The following EEF2KMT variants were observed in gnomAD, a reference collection of about 807,000 sequenced individuals.
EEF2KMT encodes eukaryotic elongation factor 2 lysine methyltransferase.
A neutral mutation model predicts 35.1 loss-of-function variants in EEF2KMT; 30 were observed. The observed-to-expected ratio is 0.85, with a 90% CI of 0.64 to 1.16. EEF2KMT has a LOEUF of 1.16. Among genes scored for constraint, EEF2KMT ranks in the 50% most tolerant of loss-of-function variants. EEF2KMT has a pLI of 0.00. For missense variants in EEF2KMT, 499 were observed against 438.2 expected, an observed-to-expected ratio of 1.14 and a Z score of -1.24; for synonymous variants, 190 against 187.7, an observed-to-expected ratio of 1.01 and a Z score of -0.10.
chr16:5,092,809 A>C (rs1344481725), intron 3 of EEF2KMT, among the ~76,000 whole-genome samples: 2 of 152,134 alleles, frequency 1.3e-5, no homozygotes, highest in Non-Finnish European at 2.9e-5. Context: ...TTAAAAATAA[A>C]AAATTAGCCA....
rs1053255367 is a variant in EEF2KMT at position 5,089,252 on chromosome 16, C to A, written c.747G>T (p.Val249=). The change falls in exon 7 of 8, where the codon GTG becomes GTT. Residue 249 remains valine (V), a synonymous_variant. Coordinates refer to ENST00000427587, the MANE Select transcript of EEF2KMT (RefSeq NM_201400.4). ...FQPDVVIAAD[V]LYCPEAIMSL... ...ACATGATGGCTTCTGGGCAATACAG[C>A]ACATCTATGGTGAAAGCTTCAGGTT... The A allele has an allele frequency of 6.2e-7, 1 of 1,604,080 alleles. No homozygotes were observed.
intron 1 of EEF2KMT, among the ~76,000 whole-genome samples, chr16:5,096,143 C>T (rs1165884053): frequency 6.6e-6 from 1 of 152,124 alleles, no homozygotes; most frequent in African/African-American, 2.4e-5. Flanking sequence ...GTTTCCACCA[C>T]AGGGCCTTTG....
rs1455959430 is a variant in EEF2KMT, at chr16:5,085,023, G to T, written c.*609C>A. 5 of 1,477,410 alleles carry T rather than the reference G, an allele frequency of 3.4e-6. No homozygotes were observed. Among genetic ancestry groups the T allele is most frequent in the Admixed American group, 1.8e-5 (1 of 54,966 alleles). The allele number at this position is 1,477,410 out of a possible 1,614,324, so 91.5% of individuals were successfully genotyped here. The stretch of plus-strand genomic sequence containing the variant: ...ACAGCAGTGGTACTGCCTGGTAAAA[G>T]AATTGGTTCTGTGACCCGGGAAGCT... On this transcript the variant is annotated 3_prime_UTR_variant, in exon 8 of 8. Transcript: ENST00000427587.
intron 1 of EEF2KMT, chr16:5,097,416 A>C (rs75545520): frequency 6.9e-7 from 1 of 1,443,954 alleles, no homozygotes; most frequent in South Asian, 1.3e-5. Context: ...TCTGCCCCCC[A>C]AGGCTGTGGA....
chr16:5,089,328 G>A, intron 6 of EEF2KMT, 72 bp from the exon 7 acceptor site: 1 of 1,583,058 alleles, frequency 6.3e-7, no homozygotes, highest in Non-Finnish European at 8.5e-7. Flanking sequence ...TCAGCAGCAG[G>A]GCGAGGCCAG....
intron 3 of EEF2KMT, among the ~76,000 whole-genome samples, chr16:5,092,959 CA>C (rs1368823738): frequency 1.3e-5 from 2 of 151,790 alleles, no homozygotes; most frequent in African/African-American, 2.4e-5. Flanking sequence ...GACTCTGTCT[CA>C]AAAAAATAAA....
chr16:5,095,838 T>G (rs1957448982), intron 1 of EEF2KMT, among the ~76,000 whole-genome samples: 1 of 40,838 alleles, frequency 2.4e-5, no homozygotes, highest in Non-Finnish European at 6.5e-5. Flanking sequence ...GCTTGCCATC[T>G]AAGTGGAGAT....
rs369802781 is a variant in EEF2KMT at position 5,090,407 on chromosome 16, G to A, written c.476+25C>T. Reference sequence around the variant, plus strand: ...TGCACCAGGGTAAGCCTGCCTCGGTGCCCTGCCCTGCGCCCCGAGGTCACC... The same window carrying A: ...TGCACCAGGGTAAGCCTGCCTCGGTACCCTGCCCTGCGCCCCGAGGTCACC... On this transcript the variant is annotated intron_variant, in intron 5 of 7. Coordinates refer to ENST00000427587, the MANE Select transcript of EEF2KMT (RefSeq NM_201400.4). This position sits in a 1 kb window ranked among gnomAD's most constrained non-coding sequence, Gnocchi z 4.1. The A allele has an allele frequency of 3.7e-6, 6 of 1,611,852 alleles. No homozygotes were observed. In the South Asian group the frequency reaches 4.4e-5, roughly 12 times the overall value.
In EEF2KMT at chr16:5,085,598, A is replaced by G. The variant is rs1340724094; in HGVS notation, c.*34T>C. 1.4e-6 allele frequency: 2 copies of G among 1,430,258 alleles called. No individual in the cohort carries two copies. Among genetic ancestry groups the G allele is most frequent in the South Asian group, 1.1e-5 (1 of 87,408 alleles). 88.6% of individuals were successfully genotyped at this position (1,430,258 alleles called of 1,614,324 possible). A position where few individuals can be genotyped will look rare whatever the true frequency, so the allele number is the denominator to read the frequency against. On this transcript the variant is annotated 3_prime_UTR_variant, in exon 8 of 8. Coordinates refer to ENST00000427587, the MANE Select transcript of EEF2KMT (RefSeq NM_201400.4). ...AAATTCTTCCCATGAGAGTGACTTG[A>G]TTCTCACAATCCCGTTGGAGTCGTG...
intron 2 of EEF2KMT, among the ~76,000 whole-genome samples, chr16:5,094,143 C>T (rs1299930926): frequency 2.0e-5 from 3 of 152,330 alleles, no homozygotes; most frequent in South Asian, 4.1e-4. Context: ...GGCGGGAAAA[C>T]AGGAGCCTGG....
At position 5,090,889 on chromosome 16, in the gene EEF2KMT, A is replaced by G. The variant is rs1425178378; in HGVS notation, c.343-324T>C. 2.0e-5 allele frequency among the ~76,000 whole-genome samples: 3 copies of G among 151,948 alleles called. No homozygotes were observed. Among genetic ancestry groups the G allele is most frequent in the Non-Finnish European group, 4.4e-5 (3 of 67,998 alleles). On this transcript the variant is annotated intron_variant, in intron 4 of 7. Coordinates refer to ENST00000427587, the MANE Select transcript of EEF2KMT (RefSeq NM_201400.4). This position sits in a 1 kb window ranked among gnomAD's most constrained non-coding sequence, Gnocchi z 4.1. ...GGGGTGGCTGCCTTGTGATGATTCA[A>G]TATGCTGTTTTTCCTTTGTGGTTTT...
At position 5,089,245 on chromosome 16, in the gene EEF2KMT, A is replaced by G. The variant is rs1957288405; in HGVS notation, c.754T>C (p.Cys252Arg). The G allele has an allele frequency of 6.2e-7, 1 of 1,604,926 alleles. No homozygotes were observed. The highest frequency in any genetic ancestry group is 8.5e-7 in the Non-Finnish European group (1 of 1,179,808). ...DVVIAADVLYCPEAIMSLVGV... is the reference protein window; with the variant it reads ...DVVIAADVLYRPEAIMSLVGV... ...ACCAGCGACATGATGGCTTCTGGGC[A>G]ATACAGCACATCTATGGTGAAAGCT... The change falls in exon 7 of 8, where the codon TGC becomes CGC. Residue 252 changes from cysteine to arginine, a missense_variant. Cys to Arg is a radical substitution (Grantham distance 180, BLOSUM62 -3). Transcript: ENST00000427587.
At chr16:5,095,632 G>A (rs1957443270) in intron 1 of EEF2KMT, 118 bp from the exon 2 acceptor site, 1 of 1,510,626 alleles carries the variant, frequency 6.6e-7, no homozygotes, top group South Asian at 1.1e-5. Context: ...GAGCCAGTTG[G>A]AAGTGGAAGC....
intron 6 of EEF2KMT, 97 bp from the exon 7 acceptor site, chr16:5,089,353 T>C: frequency 6.6e-7 from 1 of 1,512,506 alleles, no homozygotes; most frequent in Non-Finnish European, 8.9e-7. Flanking sequence ...GCAGCGGTCA[T>C]ATGAGACTAG....
At chr16:5,095,711 G>A (rs192637400) in intron 1 of EEF2KMT, among the ~76,000 whole-genome samples, 197 bp from the exon 2 acceptor site, 7 of 152,226 alleles carry the variant, frequency 4.6e-5, no homozygotes, top group African/African-American at 1.7e-4. Flanking sequence ...GAAGAAGGCT[G>A]ACTTTTGGCC....
chr16:5,094,002 A>G (rs1188194925), intron 2 of EEF2KMT, among the ~76,000 whole-genome samples: 1 of 152,234 alleles, frequency 6.6e-6, no homozygotes, highest in African/African-American at 2.4e-5. Flanking sequence ...CACTCCAGCT[A>G]AAGCCCAGAG....
Position 5,084,827 on chromosome 16 carries a change from C to G in EEF2KMT, c.*805G>C, listed in dbSNP as rs1957094288. 1 of 1,596,448 alleles carries G rather than the reference C, an allele frequency of 6.3e-7. No individual in the cohort carries two copies. Among genetic ancestry groups the G allele is most frequent in the Non-Finnish European group, 8.5e-7 (1 of 1,179,782 alleles). On this transcript the variant is annotated 3_prime_UTR_variant, in exon 8 of 8. Transcript: ENST00000427587. ...AGAACCTGCGGGAGTCGCAGCAGCT[C>G]CGATGGGATGAGAGCTGGGTGCAGA...
chr16:5,084,781 G>T lies in EEF2KMT; in HGVS notation c.*851C>A. ...TTCTCAAACTTTCCTGATCCTGCGG[G>T]CAAGCTAAACCAGTTCCGGAAGAAC... On this transcript the variant is annotated 3_prime_UTR_variant, in exon 8 of 8. Coordinates refer to ENST00000427587, the MANE Select transcript of EEF2KMT (RefSeq NM_201400.4). 1 of 1,596,448 alleles carries T rather than the reference G, an allele frequency of 6.3e-7. No individual in the cohort carries two copies. Among genetic ancestry groups the T allele is most frequent in the South Asian group, 1.1e-5 (1 of 90,988 alleles).
intron 6 of EEF2KMT, chr16:5,089,496 T>A (rs1596273538): frequency 3.3e-6 from 2 of 614,180 alleles, no homozygotes; most frequent in East Asian, 5.9e-5. Flanking sequence ...TGGTGTTCCT[T>A]AAAAAACCAG....
Sources: gnomAD v4.1 joint callset for allele counts (sites outside exome capture counted in the v4.1 genomes callset) on GRCh38, gnomAD v4.1.1 for gene constraint, Gnocchi (gnomAD v3.1) non-coding constraint, MANE v1.5 for transcripts, NCBI Gene and HGNC (gene_info 2026-07-23, HGNC 2026-07-21) for gene names.